TSHZ3: variants seen among roughly 807,000 people sequenced by gnomAD.
The protein encoded by TSHZ3 is teashirt zinc finger homeobox 3.
In TSHZ3, 10 loss-of-function variants were observed where a neutral mutation model predicts 64.5. That is an observed-to-expected ratio of 0.16 (90% CI 0.10 to 0.26). The LOEUF is 0.26. Ranked by LOEUF, TSHZ3 falls within the 10% of genes least tolerant of loss-of-function variation. TSHZ3 has a pLI of 1.00. For missense variants in TSHZ3, 1,242 were observed against 1,421.7 expected, an observed-to-expected ratio of 0.87 and a Z score of 2.03; for synonymous variants, 608 against 593.1, an observed-to-expected ratio of 1.03 and a Z score of -0.36.
At position 31,306,621 on chromosome 19, in the gene TSHZ3, C is replaced by T. The variant is rs190565114; in HGVS notation, c.41-26869G>A. Among the ~76,000 whole-genome samples the T allele has an allele frequency of 5.3e-5, 8 of 152,274 alleles. No individual in the cohort carries two copies. In the East Asian group the frequency reaches 1.4e-3, roughly 26 times the overall value. On this transcript the variant is annotated intron_variant, in intron 1 of 1. Transcript: ENST00000240587. ...TAAAACCAGAATTCCTACCAGGCAGCACAGAACCTGGGTCTCTGCCATTGC... is the reference window on the plus strand; with the variant it reads ...TAAAACCAGAATTCCTACCAGGCAGTACAGAACCTGGGTCTCTGCCATTGC...
intron 5 of TSHZ3, among the ~76,000 whole-genome samples, chr19:31,186,047 A>T (rs1974803696): frequency 6.6e-6 from 1 of 152,166 alleles, no homozygotes; most frequent in Non-Finnish European, 1.5e-5. Context: ...ATGTGATTCT[A>T]CCACAATCTT....
intron 3 of TSHZ3, among the ~76,000 whole-genome samples, chr19:31,232,108 C>A (rs1975548438): frequency 6.6e-6 from 1 of 151,980 alleles, no homozygotes; most frequent in Admixed American, 6.6e-5. Context: ...GCCTCCTGCC[C>A]CTGAGCTAGA....
intron 4 of TSHZ3, among the ~76,000 whole-genome samples, chr19:31,213,218 G>T (rs1320202828): frequency 6.6e-6 from 1 of 151,472 alleles, no homozygotes; most frequent in South Asian, 2.1e-4. Flanking sequence ...TTAGCCGGGC[G>T]TGGCGTCATG....
chr19:31,298,625 C>T (rs1357806287), intron 1 of TSHZ3, among the ~76,000 whole-genome samples: 1 of 152,158 alleles, frequency 6.6e-6, no homozygotes, highest in East Asian at 1.9e-4. Flanking sequence ...GGGCCTTGCA[C>T]TCCTGGGGGT....
chr19:31,249,317 C>T (rs1398831365), intron 1 of TSHZ3, among the ~76,000 whole-genome samples: 3 of 152,210 alleles, frequency 2.0e-5, no homozygotes, highest in African/African-American at 4.8e-5. Flanking sequence ...ACGCTTGAAA[C>T]GCATGTGCCT....
At chr19:31,344,907 A>G (rs1019900814) in intron 1 of TSHZ3, among the ~76,000 whole-genome samples, 1 of 152,222 alleles carries the variant, frequency 6.6e-6, no homozygotes, top group East Asian at 1.9e-4. Flanking sequence ...CTGAGGCATC[A>G]GTTATTGACT....
intron 1 of TSHZ3, among the ~76,000 whole-genome samples, chr19:31,247,870 GTGTA>G (rs556832345): frequency 4.0e-5 from 6 of 148,972 alleles, no homozygotes; most frequent in South Asian, 2.1e-4. Flanking sequence ...GTGTGTGTGT[GTGTA>G]TGTATGTATG....
chr19:31,307,373 A>G (rs1438846985), intron 1 of TSHZ3, among the ~76,000 whole-genome samples: 2 of 151,962 alleles, frequency 1.3e-5, no homozygotes, highest in Admixed American at 6.6e-5. Context: ...CCAACTGCAT[A>G]TGGCTGGGGA....
intron 3 of TSHZ3, among the ~76,000 whole-genome samples, chr19:31,238,710 G>A (rs757072673): frequency 7.2e-5 from 11 of 152,104 alleles, no homozygotes; most frequent in Non-Finnish European, 1.2e-4. Context: ...AGCCACGCCA[G>A]CTTTCTTACT....
chr19:31,158,167 C>G (rs1198558817), intron 5 of TSHZ3, among the ~76,000 whole-genome samples: 1 of 152,206 alleles, frequency 6.6e-6, no homozygotes, highest in African/African-American at 2.4e-5. Context: ...CCTCCAAAAC[C>G]ATAGCTTCTA....
intron 5 of TSHZ3, chr19:31,195,813 A>G (rs1974981862): frequency 6.6e-6 from 1 of 152,096 alleles, no homozygotes; most frequent in Non-Finnish European, 1.5e-5. Flanking sequence ...TACATAATCA[A>G]TATAGTCATG....
At chr19:31,304,308 T>C (rs1425394378) in intron 1 of TSHZ3, among the ~76,000 whole-genome samples, 1 of 150,652 alleles carries the variant, frequency 6.6e-6, no homozygotes, top group Non-Finnish European at 1.5e-5. Context: ...CTTTCACAGT[T>C]GAGGACTCTC....
At chr19:31,335,096 T>G (rs2145187951) in intron 1 of TSHZ3, among the ~76,000 whole-genome samples, 1 of 152,306 alleles carries the variant, frequency 6.6e-6, no homozygotes, top group Non-Finnish European at 1.5e-5. Context: ...TTGCTTGTTT[T>G]CCCATTTTTA....
chr19:31,244,114 A>G (rs759279618), intron 1 of TSHZ3, among the ~76,000 whole-genome samples: 4 of 152,150 alleles, frequency 2.6e-5, no homozygotes, highest in Admixed American at 1.3e-4. Flanking sequence ...ATGACAGTGT[A>G]TGATATAATT....
intron 1 of TSHZ3, among the ~76,000 whole-genome samples, chr19:31,319,729 A>G (rs1916709867): frequency 6.6e-6 from 1 of 152,178 alleles, no homozygotes; most frequent in African/African-American, 2.4e-5. Flanking sequence ...AGAAAACAAC[A>G]GTGTAACACC....
Position 31,278,100 on chromosome 19 carries a change from C to T in TSHZ3, c.1693G>A (p.Gly565Ser). Residue 565 changes from glycine to serine, a missense_variant, in exon 2 of 2, where the codon GGC becomes AGC. Transcript: ENST00000240587. This position sits in a 1 kb window ranked among gnomAD's most constrained non-coding sequence, Gnocchi z 4.7. ...AGGGGCGTGCTCTTCCCCGACGAGC[C>T]CAGGGACAACTTCATCATGTTGGGA... ...QLPNMMKLSL[G>S]SSGKSTPLKP... The T allele has an allele frequency of 6.2e-7, 1 of 1,614,088 alleles. No individual in the cohort carries two copies. The highest frequency in any genetic ancestry group is 1.1e-5 in the South Asian group (1 of 91,062).
chr19:31,349,154 C>T (rs1038574015), intron 1 of TSHZ3, 26 bp downstream of exon 1: 36 of 1,539,700 alleles, frequency 2.3e-5, no homozygotes, highest in Non-Finnish European at 3.0e-5. Context: ...AGGAGGAGAG[C>T]AGAAGGAAGG....
At chr19:31,155,251 G>C (rs1974291639) in intron 6 of TSHZ3, among the ~76,000 whole-genome samples, 1 of 152,166 alleles carries the variant, frequency 6.6e-6, no homozygotes, top group South Asian at 2.1e-4. Context: ...AGGAATATTT[G>C]TCCTGGAATC....
intron 1 of TSHZ3, among the ~76,000 whole-genome samples, chr19:31,330,133 T>A (rs79391294): frequency 1.3e-5 from 2 of 152,034 alleles, no homozygotes; most frequent in Non-Finnish European, 1.5e-5. Flanking sequence ...TTTTTTTTTT[T>A]AATTCATAAA....
Sources: allele counts gnomAD v4.1 joint callset (sites outside exome capture counted in the v4.1 genomes callset), GRCh38; gene constraint gnomAD v4.1.1; non-coding constraint Gnocchi (gnomAD v3.1); transcripts MANE v1.5; gene names NCBI Gene and HGNC (gene_info 2026-07-23, HGNC 2026-07-21).